The following GRK1 variants were observed in gnomAD, a reference collection of about 807,000 sequenced individuals.
GRK1 encodes the protein G protein-coupled receptor kinase 1.
Under a neutral mutation model 41.7 loss-of-function variants are expected in GRK1, and 28 were observed. That is an observed-to-expected ratio of 0.67 (90% confidence interval 0.50 to 0.92). The LOEUF is 0.92. Ranked by LOEUF, GRK1 falls within the 40% of genes least tolerant of loss-of-function variation. The pLI is 0.00. For synonymous variants in GRK1, 327 were observed against 286.7 expected, an observed-to-expected ratio of 1.14 and a Z score of -1.42; for missense variants, 703 against 671.2, an observed-to-expected ratio of 1.05 and a Z score of -0.52.
chr13:113,724,174 C>A (rs2049875586), intron 4 of GRK1, among the ~76,000 whole-genome samples: 1 of 152,138 alleles, frequency 6.6e-6, no homozygotes, highest in Non-Finnish European at 1.5e-5. Context: ...GGGCCCAGCA[C>A]CTGCTGGCGT....
intron 6 of GRK1, among the ~76,000 whole-genome samples, chr13:113,733,358 A>G (rs1485872217): frequency 6.6e-6 from 1 of 152,182 alleles, no homozygotes; most frequent in African/African-American, 2.4e-5. Flanking sequence ...CAAACCTTCC[A>G]CCACGTCCCC....
Position 113,668,017 on chromosome 13 carries a change from G to T in GRK1, c.631G>T (p.Ala211Ser). 2 of 1,611,734 alleles carry T rather than the reference G, an allele frequency of 1.2e-6. No homozygotes were observed. The highest frequency in any genetic ancestry group is 1.7e-6 in the Non-Finnish European group (2 of 1,179,114). Residue 211 changes from alanine (A) to serine (S), a missense_variant, in exon 1 of 7, where the codon GCG (alanine) becomes TCG (serine). By Grantham distance (99) the Ala-to-Ser change is moderately conservative. Transcript: ENST00000335678. ...GGAGGTGTCGGCCTGCCAGATGAAG[G>T]CGACCGGCAAGCTGTATGCCTGCAA... Reference protein sequence around the residue: ...FGEVSACQMKATGKLYACKKL... With the variant: ...FGEVSACQMKSTGKLYACKKL...
Position 113,671,792 on chromosome 13 carries a change from G to C in GRK1, c.985+136G>C, listed in dbSNP as rs938120976. 6.1e-6 allele frequency: 4 copies of C among 659,332 alleles called. No individual in the cohort carries two copies. The highest frequency in any genetic ancestry group is 5.3e-5 in the African/African-American group (3 of 56,428). 40.8% of individuals were successfully genotyped at this position (659,332 alleles called of 1,614,324 possible). A position where few individuals can be genotyped will look rare whatever the true frequency, so the allele number is the denominator to read the frequency against. On this transcript the variant is annotated intron_variant, in intron 3 of 6. Transcript: ENST00000335678. The surrounding 1 kb of genome is among the most constrained non-coding windows in gnomAD (Gnocchi z 4.1). ...GGGGTTCATGAGGGCTGACGGCTTCGTGGACGGTGGAGGTGTCATCGGGCA... is the reference window on the plus strand; with the variant it reads ...GGGGTTCATGAGGGCTGACGGCTTCCTGGACGGTGGAGGTGTCATCGGGCA...
rs768451725 is a variant in GRK1 at position 113,669,699 on chromosome 13, GAGA to G, written c.719_721del (p.Lys240del). On this transcript the variant is annotated inframe_deletion, in exon 2 of 7. Transcript: ENST00000335678. ...TCTCACTTTTCAGGGTGCTATGGTG[GAGA>G]AGAAGATTCTGATGAAAGTACACAG... is the stretch of plus-strand genomic sequence containing the variant. The G allele has an allele frequency of 9.3e-6, 15 of 1,613,818 alleles. No homozygotes were observed. In the Admixed American group the frequency reaches 1.2e-4, roughly 13 times the overall value.
intron 4 of GRK1, among the ~76,000 whole-genome samples, chr13:113,727,930 G>A (rs1272192601): frequency 2.3e-5 from 2 of 85,720 alleles, no homozygotes; most frequent in Non-Finnish European, 2.2e-5. Flanking sequence ...GCGATGAGGA[G>A]TACCCATGGC....
chr13:113,734,017 TGTGTGCGTGC>T (rs1185300244), intron 6 of GRK1, among the ~76,000 whole-genome samples: 25 of 143,038 alleles, frequency 1.7e-4, no homozygotes, highest in East Asian at 1.6e-3. Flanking sequence ...TGCGTGCATG[TGTGTGCGTGC>T]GTGTGCGTAT....
the GRK1 span, chr13:113,650,288 C>T: frequency 1.6e-4 from 151 of 956,610 alleles, no homozygotes; most frequent in African/African-American, 2.0e-3. The surrounding 1 kb of genome is among the most constrained non-coding windows in gnomAD (Gnocchi z 5.0). Flanking sequence ...CAGTCAGGAC[C>T]GGCTAAGTCA....
chr13:113,731,549 G>A lies in GRK1; in HGVS notation c.1194+206G>A. On this transcript the variant is annotated intron_variant, in intron 5 of 6. Coordinates refer to ENST00000335678, the MANE Select transcript of GRK1 (RefSeq NM_002929.3). The surrounding 1 kb of genome is among the most constrained non-coding windows in gnomAD (Gnocchi z 5.6). ...GTGGGTGACGCCCCCAGCCCCTGAG[G>A]CCTGCAGGTGGAGGGGCTGAGGGAT... 1 of 298,798 alleles carries A rather than the reference G, an allele frequency of 3.3e-6. No individual in the cohort carries two copies. The highest frequency in any genetic ancestry group is 4.9e-6 in the Non-Finnish European group (1 of 202,330). 18.5% of individuals were successfully genotyped at this position (298,798 alleles called of 1,614,324 possible).
Position 113,735,534 on chromosome 13 carries a change from G to A in GRK1, c.*171G>A. 1 of 651,384 alleles carries A rather than the reference G, an allele frequency of 1.5e-6. No individual in the cohort carries two copies. Among genetic ancestry groups the A allele is most frequent in the East Asian group, 3.0e-5 (1 of 33,286 alleles). The allele number at this position is 651,384 out of a possible 1,614,324, so 40.4% of individuals were successfully genotyped here. A position where few individuals can be genotyped will look rare whatever the true frequency, so the allele number is the denominator to read the frequency against. On this transcript the variant is annotated 3_prime_UTR_variant, in exon 7 of 7. Coordinates refer to ENST00000335678, the MANE Select transcript of GRK1 (RefSeq NM_002929.3). ...CCCAAGGAGGAGAAAGCCCACATCG[G>A]CCTGAGCCGCCAGACGCACATGCTG...
At chr13:113,727,305 C>T (rs1210958406) in intron 4 of GRK1, among the ~76,000 whole-genome samples, 1 of 152,262 alleles carries the variant, frequency 6.6e-6, no homozygotes, top group Non-Finnish European at 1.5e-5. Context: ...GAGGGCGGAG[C>T]ACTCAGGGAG....
intron 6 of GRK1, 184 bp from the exon 7 acceptor site, chr13:113,734,882 CAG>C (rs2049991286): frequency 2.5e-5 from 13 of 523,884 alleles, no homozygotes; most frequent in Middle Eastern, 5.0e-4. Flanking sequence ...TGTGTGGTCT[CAG>C]GGGAACCCAG....
intron 6 of GRK1, among the ~76,000 whole-genome samples, chr13:113,734,030 G>GTGCGTA (rs1324560006): frequency 1.4e-5 from 2 of 143,414 alleles, no homozygotes; most frequent in Non-Finnish European, 3.0e-5. Flanking sequence ...GTGCGTGCGT[G>GTGCGTA]TGCGTATGTG....
rs372693970 is a variant in GRK1, at chr13:113,735,282, C to T, written c.1611C>T (p.Asp537=). 1.5e-5 allele frequency: 23 copies of T among 1,535,996 alleles called. No homozygotes were observed. The highest frequency in any genetic ancestry group is 7.9e-5 in the Admixed American group (4 of 50,952). Reference sequence around the variant, plus strand: ...GCGAGCTGAACGTGTGGCGCTCGGACGGTCAGATGCCGGACGACATGAAGG... The same window carrying T: ...GCGAGCTGAACGTGTGGCGCTCGGATGGTCAGATGCCGGACGACATGAAGG... The part of the protein sequence containing the change: ...IFGELNVWRS[D]GQMPDDMKGI... The change falls in exon 7 of 7, where the codon GAC becomes GAT. Residue 537 remains aspartate (D), a synonymous_variant. Transcript: ENST00000335678.
At chr13:113,667,208 A>G, upstream of GRK1, 1 of 621,504 alleles carries the variant, frequency 1.6e-6, no homozygotes, top group Non-Finnish European at 2.7e-6. The surrounding 1 kb of genome is among the most constrained non-coding windows in gnomAD (Gnocchi z 7.5). Flanking sequence ...CCGGGCTCCC[A>G]GGGGCTTCCC....
chr13:113,729,837 C>T (rs1325837500), intron 4 of GRK1, among the ~76,000 whole-genome samples: 1 of 151,664 alleles, frequency 6.6e-6, no homozygotes, highest in Non-Finnish European at 1.5e-5. Context: ...CAGACCCGTC[C>T]TTCCATCCCG....
chr13:113,653,100 G>C, the GRK1 span: 10 of 1,594,760 alleles, frequency 6.3e-6, 1 homozygote, highest in Middle Eastern at 5.2e-4. Context: ...TGCCAGCCCT[G>C]TCCTGCCCTG....
the GRK1 span, among the ~76,000 whole-genome samples, chr13:113,659,809 A>G: frequency 6.6e-6 from 1 of 152,092 alleles, no homozygotes; most frequent in Non-Finnish European, 1.5e-5. Context: ...CGATAAGAAC[A>G]CAGGGTCTGG....
chr13:113,664,375 A>C (rs1467658008), upstream of GRK1, among the ~76,000 whole-genome samples: 1 of 152,122 alleles, frequency 6.6e-6, no homozygotes, highest in African/African-American at 2.4e-5. This position sits in a 1 kb window ranked among gnomAD's most constrained non-coding sequence, Gnocchi z 5.4. Flanking sequence ...ATCTCTCTGG[A>C]TTGTTTCTTA....
chr13:113,653,199 C>T, the GRK1 span: 300 of 1,377,686 alleles, frequency 2.2e-4, no homozygotes, highest in East Asian at 5.6e-4. Context: ...GCTGTGGAGC[C>T]GTTTCACACC....
Sources: allele counts gnomAD v4.1 joint callset (sites outside exome capture counted in the v4.1 genomes callset), GRCh38; gene constraint gnomAD v4.1.1; non-coding constraint Gnocchi (gnomAD v3.1); transcripts MANE v1.5; gene names NCBI Gene and HGNC (gene_info 2026-07-23, HGNC 2026-07-21).